SQLE: variants seen among roughly 807,000 people sequenced by gnomAD.
SQLE encodes the protein squalene epoxidase, also known as squalene monooxygenase.
Under a neutral mutation model 60.7 loss-of-function variants are expected in SQLE, and 29 were observed. That is an observed-to-expected ratio of 0.48 (90% CI 0.36 to 0.65). The LOEUF (loss-of-function observed/expected upper bound fraction) is 0.65, where lower values mean the gene tolerates loss of function less well. SQLE is among the 30% of genes least tolerant of loss of function. The pLI, the probability that SQLE is intolerant of heterozygous loss-of-function variation, is 0.00. For synonymous variants in SQLE, 237 were observed against 246.8 expected (o/e 0.96, Z 0.37); for missense variants, 605 against 684.1 (o/e 0.88, Z 1.29).
chr8:125,011,391 T>G, intron 6 of SQLE, 146 bp from the exon 7 acceptor site: 1 of 525,622 alleles, frequency 1.9e-6, no homozygotes, highest in Non-Finnish European at 3.2e-6. Flanking sequence ...ATGAAATAAT[T>G]AGTTCTTGAT....
rs918777954 is a variant in SQLE, at chr8:124,998,513, T to C, written c.-891T>C. The C allele has an allele frequency of 4.6e-6, 3 of 650,520 alleles. No individual in the cohort carries two copies. The highest frequency in any genetic ancestry group is 3.8e-5 in the African/African-American group (2 of 53,010). The allele number at this position is 650,520 out of a possible 1,614,324, so 40.3% of individuals were successfully genotyped here. A position where few individuals can be genotyped will look rare whatever the true frequency, so the allele number is the denominator to read the frequency against. The stretch of plus-strand genomic sequence containing the variant: ...AGCCCGCCCAGCTGGCTGAGACGCG[T>C]GGAGCCTGGCGGCGAGTGGGGGCGT... On this transcript the variant is annotated 5_prime_UTR_variant, in exon 1 of 11. Coordinates refer to ENST00000265896, the MANE Select transcript of SQLE (RefSeq NM_003129.4).
At chr8:124,999,957 G>T (rs1814815056) in intron 1 of SQLE, 1 of 637,978 alleles carries the variant, frequency 1.6e-6, no homozygotes, top group Non-Finnish European at 2.9e-6. Context: ...GGAACGAAAT[G>T]TTAGAATTTC....
At chr8:125,003,541 T>C in intron 2 of SQLE, 113 bp downstream of exon 2, 1 of 1,317,834 alleles carries the variant, frequency 7.6e-7, no homozygotes, top group Non-Finnish European at 1.0e-6. Flanking sequence ...TTATAAAATT[T>C]TCTATACTCA....
At chr8:125,012,143 A>G (rs1424357470) in intron 7 of SQLE, among the ~76,000 whole-genome samples, 2 of 152,060 alleles carry the variant, frequency 1.3e-5, no homozygotes, top group Non-Finnish European at 2.9e-5. Flanking sequence ...CTTTCAAGGA[A>G]CTCAAGCAGT....
intron 4 of SQLE, among the ~76,000 whole-genome samples, chr8:125,008,465 C>T (rs1228349969): frequency 6.6e-6 from 1 of 152,198 alleles, no homozygotes; most frequent in Non-Finnish European, 1.5e-5. Flanking sequence ...AGGGTTACCA[C>T]CTCTTAGAAA....
At position 125,009,297 on chromosome 8, in the gene SQLE, G is replaced by A. The variant is rs1224183299; in HGVS notation, c.1062G>A (p.Arg354=). The stretch of plus-strand genomic sequence containing the variant: ...TTGACATTAGAGGAGAAATGCCAAG[G>A]AATTTAAGAGAATACATGGTTGAAA... ...VLVDIRGEMP[R]NLREYMVEKI... The change falls in exon 6 of 11, where the codon AGG becomes AGA. Residue 354 remains arginine, a synonymous_variant. Coordinates refer to ENST00000265896, the MANE Select transcript of SQLE (RefSeq NM_003129.4). The A allele has an allele frequency of 4.3e-6, 7 of 1,613,064 alleles. No homozygotes were observed. Among genetic ancestry groups the A allele is most frequent in the African/African-American group, 1.3e-5 (1 of 74,838 alleles).
intron 7 of SQLE, among the ~76,000 whole-genome samples, chr8:125,012,925 TTA>T (rs1815058865): frequency 6.6e-6 from 1 of 152,238 alleles, no homozygotes; most frequent in Non-Finnish European, 1.5e-5. Context: ...AACACTTGTA[TTA>T]TCTTTGTGTG....
At chr8:125,018,006 G>C (rs1815136836) in intron 7 of SQLE, 53 bp from the exon 8 acceptor site, 1 of 1,566,786 alleles carries the variant, frequency 6.4e-7, no homozygotes, top group Non-Finnish European at 8.6e-7. Flanking sequence ...TATCCTTTTT[G>C]TTTTGTCTCA....
intron 6 of SQLE, 26 bp from the exon 7 acceptor site, chr8:125,011,508 TTTC>T: frequency 6.5e-7 from 1 of 1,539,216 alleles, no homozygotes; most frequent in African/African-American, 1.4e-5. Context: ...TTATGACCCA[TTTC>T]TTTGGGTTGG....
At position 125,008,963 on chromosome 8, in the gene SQLE, T is replaced by C. The variant is rs748962997; in HGVS notation, c.823-8T>C. 1.4e-5 allele frequency: 22 copies of C among 1,540,856 alleles called. No individual in the cohort carries two copies. In the Admixed American group the frequency reaches 1.6e-4, roughly 11 times the overall value. On this transcript the variant is annotated splice_polypyrimidine_tract_variant and splice_region_variant and intron_variant, in intron 4 of 10. Coordinates refer to ENST00000265896, the MANE Select transcript of SQLE (RefSeq NM_003129.4). ...TACTAAACTGAGTAGTCTTCATTTCTGTTATAGGAACTCCATGCTCCACTG... is the reference window on the plus strand; with the variant it reads ...TACTAAACTGAGTAGTCTTCATTTCCGTTATAGGAACTCCATGCTCCACTG...
chr8:125,001,566 G>A (rs951357380), intron 1 of SQLE, among the ~76,000 whole-genome samples: 1 of 151,050 alleles, frequency 6.6e-6, no homozygotes, highest in Admixed American at 6.6e-5. Context: ...GCCCCCTACA[G>A]TAATTTAAAT....
chr8:124,999,965 T>G (rs892192377), intron 1 of SQLE: 2 of 620,658 alleles, frequency 3.2e-6, no homozygotes, highest in African/African-American at 3.6e-5. Context: ...ATGTTAGAAT[T>G]TCATTTTGAA....
At chr8:125,009,374 G>A (rs770497501) in intron 6 of SQLE, 31 bp downstream of exon 6, 3 of 1,584,306 alleles carry the variant, frequency 1.9e-6, no homozygotes, top group Non-Finnish European at 2.6e-6. Flanking sequence ...TTCTTACAAA[G>A]GCTGTGTCTA....
chr8:125,008,599 G>A (rs919522397), intron 4 of SQLE, among the ~76,000 whole-genome samples: 1 of 152,174 alleles, frequency 6.6e-6, no homozygotes, highest in South Asian at 2.1e-4. Context: ...ACTATATGAA[G>A]TTAGGAAATT....
intron 6 of SQLE, 111 bp from the exon 7 acceptor site, chr8:125,011,426 A>G (rs562657522): frequency 2.9e-5 from 22 of 763,464 alleles, no homozygotes; most frequent in Non-Finnish European, 4.4e-5. Flanking sequence ...ATATGTAACA[A>G]CCATAACAGA....
At chr8:124,999,994 T>C (rs1563594667) in intron 1 of SQLE, 2 of 561,628 alleles carry the variant, frequency 3.6e-6, no homozygotes, top group Non-Finnish European at 6.7e-6. Context: ...ACAACCACTT[T>C]CCATGATGAA....
chr8:125,012,578 G>A (rs931915076), intron 7 of SQLE, among the ~76,000 whole-genome samples: 2 of 152,140 alleles, frequency 1.3e-5, no homozygotes, highest in Non-Finnish European at 2.9e-5. Flanking sequence ...GTTGTAGCAT[G>A]TTTCAGTTCT....
At chr8:125,006,229 T>C (rs75122557) in intron 3 of SQLE, among the ~76,000 whole-genome samples, 1 of 152,198 alleles carries the variant, frequency 6.6e-6, no homozygotes. Context: ...TGACACAGAC[T>C]AAAGTATTGA....
chr8:125,013,786 C>T (rs1815073948), intron 7 of SQLE, among the ~76,000 whole-genome samples: 1 of 151,988 alleles, frequency 6.6e-6, no homozygotes, highest in African/African-American at 2.4e-5. Context: ...TGTGGATATT[C>T]AGTTGTCCCA....
Sources: gnomAD v4.1 joint callset for allele counts (sites outside exome capture counted in the v4.1 genomes callset) on GRCh38, gnomAD v4.1.1 for gene constraint, MANE v1.5 for transcripts, NCBI Gene and HGNC (gene_info 2026-07-23, HGNC 2026-07-21) for gene names.